The following ZBTB4 variants were observed in gnomAD, a reference collection of about 807,000 sequenced individuals.
ZBTB4 encodes the protein zinc finger and BTB domain-containing protein 4.
Under a neutral mutation model 59.8 loss-of-function variants are expected in ZBTB4, and 14 were observed. The observed-to-expected ratio is 0.23, with a 90% CI of 0.15 to 0.37. ZBTB4 has a LOEUF of 0.37. Ranked by LOEUF, ZBTB4 falls within the 10% of genes least tolerant of loss-of-function variation. The pLI, the probability that ZBTB4 is intolerant of heterozygous loss-of-function variation, is 1.00. For missense variants in ZBTB4, 1,198 were observed against 1,380.8 expected, an observed-to-expected ratio of 0.87 and a Z score of 2.10; for synonymous variants, 587 against 575.2, an observed-to-expected ratio of 1.02 and a Z score of -0.29.
intron 3 of ZBTB4, among the ~76,000 whole-genome samples, chr17:7,464,448 A>C (rs990345183): frequency 5.9e-5 from 9 of 151,514 alleles, no homozygotes; most frequent in South Asian, 2.1e-4. Flanking sequence ...AAAAAAAAAA[A>C]AAAACCTCAG....
intron 2 of ZBTB4, 146 bp downstream of exon 2, chr17:7,467,109 ATC>A (rs1445746939): frequency 8.6e-7 from 1 of 1,165,130 alleles, no homozygotes; most frequent in African/African-American, 1.6e-5. Flanking sequence ...AGTGAGGCAA[ATC>A]TCTCTCATGG....
At chr17:7,483,318 G>C (rs2070371705), upstream of ZBTB4, 1 of 475,226 alleles carries the variant, frequency 2.1e-6, no homozygotes, top group African/African-American at 2.0e-5. Context: ...CAGCAGCAAA[G>C]AGAAGAGCAT....
intron 3 of ZBTB4, among the ~76,000 whole-genome samples, chr17:7,464,957 C>T (rs528505751): frequency 2.0e-5 from 3 of 148,088 alleles, no homozygotes; most frequent in Admixed American, 1.4e-4. Flanking sequence ...GAAATCGAGA[C>T]CATACTGGCT....
chr17:7,480,589 G>C (rs1018906953), upstream of ZBTB4, among the ~76,000 whole-genome samples: 9 of 152,064 alleles, frequency 5.9e-5, no homozygotes, highest in Non-Finnish European at 1.0e-4. Context: ...GCGTGGTGGC[G>C]GGCGCCTGTG....
chr17:7,464,377 GA>G (rs1265136110), intron 3 of ZBTB4, among the ~76,000 whole-genome samples: 3 of 135,832 alleles, frequency 2.2e-5, no homozygotes, highest in Non-Finnish European at 3.1e-5. Flanking sequence ...AGTGAGCCAA[GA>G]TTGCACCACT....
chr17:7,464,952 C>G (rs1300306811), intron 3 of ZBTB4, among the ~76,000 whole-genome samples: 16 of 150,180 alleles, frequency 1.1e-4, no homozygotes, highest in African/African-American at 2.9e-4. Flanking sequence ...GTCAGGAAAT[C>G]GAGACCATAC....
At chr17:7,476,823 C>T (rs757308825) in intron 1 of ZBTB4, among the ~76,000 whole-genome samples, 4 of 152,192 alleles carry the variant, frequency 2.6e-5, no homozygotes, top group African/African-American at 4.8e-5. Context: ...GCTGCAAATG[C>T]TAAGTTCTGC....
At chr17:7,479,847 C>T (rs1439619386), upstream of ZBTB4, among the ~76,000 whole-genome samples, 1 of 151,782 alleles carries the variant, frequency 6.6e-6, no homozygotes, top group Non-Finnish European at 1.5e-5. Flanking sequence ...GGGGCGCGGG[C>T]CGGGCTGCAG....
At chr17:7,472,231 C>T (rs909402981) in intron 1 of ZBTB4, among the ~76,000 whole-genome samples, 12 of 152,052 alleles carry the variant, frequency 7.9e-5, no homozygotes, top group African/African-American at 2.9e-4. Context: ...AGCTCTGTCG[C>T]CCAGGCTGGA....
rs902331565 is a variant in ZBTB4, at chr17:7,468,743, C to T, written c.-80-1416G>A. The stretch of plus-strand genomic sequence containing the variant: ...GCATCAGGAGTTCCTCATACAATTC[C>T]CATCCCCTGAAAAATCTTCTTTCCC... On this transcript the variant is annotated intron_variant, in intron 1 of 3. Coordinates refer to ENST00000380599, the MANE Select transcript of ZBTB4 (RefSeq NM_001128833.2). Among the ~76,000 whole-genome samples, 9 of 152,282 alleles carry T rather than the reference C, an allele frequency of 5.9e-5. No individual in the cohort carries two copies. The South Asian group carries it at 1.0e-3, about 18-fold the overall frequency.
chr17:7,483,032 G>A (rs746867580), upstream of ZBTB4: 6 of 1,611,862 alleles, frequency 3.7e-6, no homozygotes, highest in Non-Finnish European at 5.1e-6. Context: ...GGGTTGGGAG[G>A]GACAGGGATA....
At chr17:7,479,304 C>T (rs933059008) in intron 1 of ZBTB4, among the ~76,000 whole-genome samples, 152 bp downstream of exon 1, 1 of 151,968 alleles carries the variant, frequency 6.6e-6, no homozygotes, top group Admixed American at 6.5e-5. Flanking sequence ...CCAGGCTCAG[C>T]CCCCGACCCC....
At chr17:7,464,138 C>A (rs911812609) in intron 3 of ZBTB4, among the ~76,000 whole-genome samples, 1 of 152,222 alleles carries the variant, frequency 6.6e-6, no homozygotes, top group African/African-American at 2.4e-5. Flanking sequence ...TCTTCTCAAG[C>A]CCAAATGGCA....
In ZBTB4 at chr17:7,462,147, C is replaced by G; in HGVS notation, c.2835G>C (p.Pro945=). 1 of 1,613,784 alleles carries G rather than the reference C, an allele frequency of 6.2e-7. No homozygotes were observed. The highest frequency in any genetic ancestry group is 8.5e-7 in the Non-Finnish European group (1 of 1,179,866). Residue 945 remains proline (P), a synonymous_variant, in exon 4 of 4, where the codon CCG becomes CCC. Coordinates refer to ENST00000380599, the MANE Select transcript of ZBTB4 (RefSeq NM_001128833.2). This position sits in a 1 kb window ranked among gnomAD's most constrained non-coding sequence, Gnocchi z 7.5. ...CAGGTAGGACCATGTTGAGAGCAAC[C>G]GGGAGAGCGGCCAAGTTACTGAAGT... is the stretch of plus-strand genomic sequence containing the variant. ...PYNFSNLAAL[P]VALNMVLPDE... is the part of the protein sequence containing the mutation.
rs1449402981 is a variant in ZBTB4, at chr17:7,462,390, C to T, written c.2592G>A (p.Gly864=). 5 of 1,613,808 alleles carry T rather than the reference C, an allele frequency of 3.1e-6. No homozygotes were observed. Among genetic ancestry groups the T allele is most frequent in the East Asian group, 4.5e-5 (2 of 44,882 alleles). The part of the protein sequence containing the change: ...GGEEPPVVAS[G]GSYVYPPVQE... The stretch of plus-strand genomic sequence containing the variant: ...GCACAGGTGGGTATACATAGCTGCC[C>T]CCGCTTGCCACTACTGGGGGCTCCT... The change falls in exon 4 of 4, where the codon GGG becomes GGA. Residue 864 remains glycine, a synonymous_variant. Transcript: ENST00000380599. The surrounding 1 kb of genome is among the most constrained non-coding windows in gnomAD (Gnocchi z 7.5).
chr17:7,467,949 G>T (rs72827503), intron 1 of ZBTB4, among the ~76,000 whole-genome samples: 23,230 of 152,206 alleles, frequency 0.15, 2,168 homozygotes, highest in South Asian at 0.28. Flanking sequence ...GGAGGGCACT[G>T]GAAAGGCCAC....
chr17:7,474,624 G>C (rs1037420078), intron 1 of ZBTB4, among the ~76,000 whole-genome samples: 1 of 152,116 alleles, frequency 6.6e-6, no homozygotes, highest in African/African-American at 2.4e-5. Context: ...ACTGGTAAAT[G>C]AATGAACCTG....
At chr17:7,469,589 C>G (rs1314281454) in intron 1 of ZBTB4, among the ~76,000 whole-genome samples, 3 of 146,210 alleles carry the variant, frequency 2.1e-5, no homozygotes, top group Non-Finnish European at 3.1e-5. Context: ...GTGGCGATCT[C>G]TACTAAAAAT....
intron 1 of ZBTB4, among the ~76,000 whole-genome samples, chr17:7,477,248 G>A (rs2070281217): frequency 1.3e-5 from 2 of 152,308 alleles, no homozygotes; most frequent in Non-Finnish European, 2.9e-5. Context: ...GCCACTTTCC[G>A]GGTCCGTTTC....
Sources: gnomAD v4.1 joint callset for allele counts (sites outside exome capture counted in the v4.1 genomes callset) on GRCh38, gnomAD v4.1.1 for gene constraint, Gnocchi (gnomAD v3.1) non-coding constraint, MANE v1.5 for transcripts, NCBI Gene and HGNC (gene_info 2026-07-23, HGNC 2026-07-21) for gene names.